DOCK7: variants seen among roughly 807,000 people sequenced by gnomAD.
The protein encoded by DOCK7 is dedicator of cytokinesis 7, also known as dedicator of cytokinesis protein 7.
DOCK7 carries 138 observed loss-of-function variants against 271.0 expected under a neutral mutation model. That is an observed-to-expected ratio of 0.51 (90% CI 0.44 to 0.59). The LOEUF (loss-of-function observed/expected upper bound fraction) is 0.59. Ranked by LOEUF, DOCK7 falls within the 20% of genes least tolerant of loss-of-function variation. The pLI is 0.00. For missense variants in DOCK7, 2,066 were observed against 2,592.4 expected (o/e 0.80, Z 4.41); for synonymous variants, 823 against 876.1 (o/e 0.94, Z 1.07).
chr1:62,633,473 G>T, intron 10 of DOCK7, 25 bp downstream of exon 10: 1 of 1,540,350 alleles, frequency 6.5e-7, no homozygotes, highest in Non-Finnish European at 9.0e-7. Flanking sequence ...ATAATGTGGC[G>T]GAAATGAGAA....
intron 18 of DOCK7, among the ~76,000 whole-genome samples, chr1:62,567,286 T>C (rs1646550731): frequency 1.3e-5 from 2 of 152,170 alleles, no homozygotes; most frequent in Non-Finnish European, 2.9e-5. Flanking sequence ...AGCAAAGACT[T>C]GGAACCAACC....
intron 34 of DOCK7, among the ~76,000 whole-genome samples, chr1:62,509,104 TGAGACCAGGAGTTAA>T (rs1204754930): frequency 6.6e-6 from 1 of 151,984 alleles, no homozygotes; most frequent in African/African-American, 2.4e-5. Flanking sequence ...AGGGGATCCT[TGAGACCAGGAGTTAA>T]GAGACCAGCC....
intron 48 of DOCK7, among the ~76,000 whole-genome samples, chr1:62,465,215 T>C (rs1645642847): frequency 1.3e-5 from 2 of 152,236 alleles, no homozygotes; most frequent in African/African-American, 2.4e-5. Flanking sequence ...AGGTGAGCAG[T>C]TGTTGCTGCA....
intron 18 of DOCK7, among the ~76,000 whole-genome samples, chr1:62,571,076 G>A (rs1211378628): frequency 6.6e-6 from 1 of 152,230 alleles, no homozygotes; most frequent in East Asian, 1.9e-4. Context: ...AAACTAAAGA[G>A]CTTCTGCACT....
chr1:62,590,290 G>A (rs886765815), intron 14 of DOCK7, among the ~76,000 whole-genome samples: 20 of 152,092 alleles, frequency 1.3e-4, no homozygotes, highest in African/African-American at 4.3e-4. Context: ...ACAGACTATG[G>A]GAATTTTGGA....
intron 20 of DOCK7, among the ~76,000 whole-genome samples, chr1:62,558,354 T>C (rs1312564296): frequency 3.3e-5 from 5 of 152,138 alleles, no homozygotes; most frequent in African/African-American, 4.8e-5. Flanking sequence ...ACTCCTCTCC[T>C]TTGTGTCACT....
chr1:62,541,030 T>C (rs1329402854), intron 25 of DOCK7, among the ~76,000 whole-genome samples: 1 of 152,234 alleles, frequency 6.6e-6, no homozygotes, highest in Non-Finnish European at 1.5e-5. Context: ...CATTCAATGC[T>C]GAGGACCACC....
chr1:62,664,447 T>A (rs542738825), intron 1 of DOCK7, among the ~76,000 whole-genome samples: 8 of 152,162 alleles, frequency 5.3e-5, no homozygotes, highest in Middle Eastern at 6.3e-3. Flanking sequence ...CTGCTCCTCC[T>A]TCGTCTTCTG....
chr1:62,627,431 G>A (rs1206733227), intron 11 of DOCK7: 1 of 151,976 alleles, frequency 6.6e-6, no homozygotes, highest in African/African-American at 2.4e-5. Flanking sequence ...AAAGAAAAGT[G>A]AACTACTTTT....
chr1:62,586,437 C>G (rs1194930371), intron 15 of DOCK7, 70 bp downstream of exon 15: 2 of 1,203,150 alleles, frequency 1.7e-6, no homozygotes, highest in Non-Finnish European at 2.3e-6. Context: ...CAGTTGCCAA[C>G]CAAAGAGAAA....
intron 4 of DOCK7, 31 bp from the exon 5 acceptor site, chr1:62,648,575 A>C (rs752314909): frequency 2.6e-6 from 3 of 1,155,484 alleles, no homozygotes; most frequent in Non-Finnish European, 3.4e-6. Context: ...AATAAATATC[A>C]ACTATCAAAC....
intron 15 of DOCK7, chr1:62,584,351 T>G: frequency 1.0e-6 from 1 of 986,082 alleles, no homozygotes; most frequent in Non-Finnish European, 1.2e-6. Flanking sequence ...TTTACAATTT[T>G]ATCATGTCAA....
In DOCK7 at chr1:62,496,411, T is replaced by C. The variant is rs1214329850; in HGVS notation, c.4851A>G (p.Arg1617=). The C allele has an allele frequency of 1.2e-6, 2 of 1,613,678 alleles. No individual in the cohort carries two copies. Among genetic ancestry groups the C allele is most frequent in the Admixed American group, 1.7e-5 (1 of 60,006 alleles). The part of the protein sequence containing the change: ...TSQNFNEEFL[R]RSLKTILTYA... ...ATGTCAATATAGTCTTTAGAGAACGTCTTAAGAATTCTTCATTAAAATTCT... is the reference window on the plus strand; with the variant it reads ...ATGTCAATATAGTCTTTAGAGAACGCCTTAAGAATTCTTCATTAAAATTCT... Residue 1617 remains arginine, a synonymous_variant, in exon 38 of 50, where the codon AGA becomes AGG. Transcript: ENST00000635253.
chr1:62,468,360 CAAAAAA>C (rs201784083), intron 48 of DOCK7, among the ~76,000 whole-genome samples: 1 of 93,082 alleles, frequency 1.1e-5, no homozygotes, highest in Non-Finnish European at 2.3e-5. Flanking sequence ...GACTCTGTCT[CAAAAAA>C]AAAAAAAAAA....
At chr1:62,528,662 T>C (rs993844432) in intron 30 of DOCK7, among the ~76,000 whole-genome samples, 2 of 152,214 alleles carry the variant, frequency 1.3e-5, no homozygotes, top group Admixed American at 1.3e-4. Flanking sequence ...AAGTTCTTAA[T>C]ACACATTAGA....
chr1:62,682,934 A>T (rs1661334932), intron 1 of DOCK7, among the ~76,000 whole-genome samples: 1 of 152,178 alleles, frequency 6.6e-6, no homozygotes, highest in African/African-American at 2.4e-5. Context: ...AAGTACAATA[A>T]AATAGGTAAG....
At chr1:62,580,855 T>C (rs779432226) in intron 16 of DOCK7, among the ~76,000 whole-genome samples, 10 of 152,154 alleles carry the variant, frequency 6.6e-5, no homozygotes, top group East Asian at 1.9e-4. Flanking sequence ...TTTTAAATGA[T>C]TGGGGGTAAA....
In DOCK7 at chr1:62,556,126, T is replaced by G. The variant is rs887575500; in HGVS notation, c.2432-137A>C. 4 of 865,578 alleles carry G rather than the reference T, an allele frequency of 4.6e-6. No individual in the cohort carries two copies. The African/African-American group carries it at 6.9e-5, about 15-fold the overall frequency. 53.6% of individuals were successfully genotyped at this position (865,578 alleles called of 1,614,324 possible). ...GTAAGTGTATAAAGATGATTACTATTTGATATTGACTTTTAATTACACGTT... is the reference window on the plus strand; with the variant it reads ...GTAAGTGTATAAAGATGATTACTATGTGATATTGACTTTTAATTACACGTT... On this transcript the variant is annotated intron_variant, in intron 20 of 49. Transcript: ENST00000635253.
At chr1:62,648,009 G>T in intron 6 of DOCK7, 97 bp downstream of exon 6, 2 of 1,153,462 alleles carry the variant, frequency 1.7e-6, no homozygotes, top group Non-Finnish European at 1.3e-6. Context: ...TGTTTCAGTT[G>T]CTTTATCCTC....
Sources: allele counts gnomAD v4.1 joint callset (sites outside exome capture counted in the v4.1 genomes callset), GRCh38; gene constraint gnomAD v4.1.1; transcripts MANE v1.5; gene names NCBI Gene and HGNC (gene_info 2026-07-23, HGNC 2026-07-21).